The following UBE3D variants were observed in gnomAD, a reference collection of about 807,000 sequenced individuals.
UBE3D encodes E3 ubiquitin-protein ligase E3D.
Under a neutral mutation model 49.6 loss-of-function variants are expected in UBE3D, and 48 were observed. The ratio of observed to expected loss-of-function variants is 0.97; its 90% CI spans 0.77 to 1.23. UBE3D has a LOEUF of 1.23. Ranked by LOEUF, UBE3D falls within the 50% of genes most tolerant of loss-of-function variation. The pLI, the probability that UBE3D is intolerant of heterozygous loss-of-function variation, is 0.00. For missense variants in UBE3D, 452 were observed against 468.4 expected, an observed-to-expected ratio of 0.96 and a Z score of 0.32; for synonymous variants, 189 against 174.2, an observed-to-expected ratio of 1.08 and a Z score of -0.67.
At chr6:83,027,843 T>C (rs1315255452) in intron 5 of UBE3D, among the ~76,000 whole-genome samples, 1 of 152,200 alleles carries the variant, frequency 6.6e-6, no homozygotes, top group Non-Finnish European at 1.5e-5. Context: ...TCAACAATTA[T>C]CTCTTCAAAT....
At chr6:83,032,267 G>C (rs1367347003) in intron 5 of UBE3D, 1 of 455,494 alleles carries the variant, frequency 2.2e-6, no homozygotes, top group Non-Finnish European at 4.4e-6. Flanking sequence ...GAACAGAGCT[G>C]TTCAAGGCCA....
At chr6:83,043,451 TTAGA>T (rs1334837343) in intron 4 of UBE3D, among the ~76,000 whole-genome samples, 1 of 152,160 alleles carries the variant, frequency 6.6e-6, no homozygotes, top group Non-Finnish European at 1.5e-5. Flanking sequence ...TGAACCATAT[TTAGA>T]TAAAGGGATT....
intron 9 of UBE3D, among the ~76,000 whole-genome samples, chr6:82,916,740 T>A (rs1345013780): frequency 1.3e-5 from 2 of 152,190 alleles, no homozygotes; most frequent in Non-Finnish European, 2.9e-5. Flanking sequence ...ACAAATGGGA[T>A]CTATCTCTAG....
At chr6:82,931,955 T>G (rs754451797) in intron 9 of UBE3D, among the ~76,000 whole-genome samples, 2 of 152,122 alleles carry the variant, frequency 1.3e-5, no homozygotes, top group Non-Finnish European at 2.9e-5. Context: ...GTGAGGTAAT[T>G]GAATCATGGG....
In UBE3D at chr6:82,997,882, C is replaced by T. The variant is rs1384236913; in HGVS notation, c.1010+21091G>A. ...GAGTGAAATTAGAAATGGTAGTCCA[C>T]GGATTTGAACTTGACCCTGTGATTT... On this transcript the variant is annotated intron_variant, in intron 8 of 9. Transcript: ENST00000369747. Among the ~76,000 whole-genome samples the T allele has an allele frequency of 8.5e-5, 13 of 152,214 alleles. No homozygotes were observed. In the South Asian group the frequency reaches 2.3e-3, roughly 27 times the overall value.
At position 82,948,923 on chromosome 6, in the gene UBE3D, T is replaced by C. The variant is rs548982710; in HGVS notation, c.1149+8389A>G. Among the ~76,000 whole-genome samples the C allele has an allele frequency of 7.2e-5, 11 of 152,148 alleles. No individual in the cohort carries two copies. The South Asian group carries it at 2.1e-3, about 29-fold the overall frequency. On this transcript the variant is annotated intron_variant, in intron 9 of 9. Transcript: ENST00000369747. ...GACCCATAGCTAGTATCATACTGAA[T>C]GGGGAAAAACTAAAAGTCTTTCCTC... is the stretch of plus-strand genomic sequence containing the variant.
chr6:82,915,993 T>C (rs1247889424), intron 9 of UBE3D, among the ~76,000 whole-genome samples: 1 of 152,178 alleles, frequency 6.6e-6, no homozygotes, highest in Admixed American at 6.5e-5. Flanking sequence ...CTAATAGTCA[T>C]TGAAGTAGAT....
At chr6:82,885,875 T>C in the UBE3D span, among the ~76,000 whole-genome samples, 1 of 152,198 alleles carries the variant, frequency 6.6e-6, no homozygotes, top group East Asian at 1.9e-4. Flanking sequence ...TGTCTTATTC[T>C]TCCCATCTTT....
At chr6:83,053,242 A>G (rs1783588822) in intron 3 of UBE3D, among the ~76,000 whole-genome samples, 1 of 84,430 alleles carries the variant, frequency 1.2e-5, no homozygotes. Context: ...TTCTGGCAAC[A>G]CCAGGTTTCT....
At chr6:82,996,231 CAA>C (rs1188497177) in intron 8 of UBE3D, among the ~76,000 whole-genome samples, 1 of 151,708 alleles carries the variant, frequency 6.6e-6, no homozygotes, top group Non-Finnish European at 1.5e-5. Flanking sequence ...GCTCAAAAAT[CAA>C]AAGTATGAGG....
intron 8 of UBE3D, among the ~76,000 whole-genome samples, chr6:82,994,396 G>A (rs796187699): frequency 3.3e-5 from 5 of 152,280 alleles, no homozygotes; most frequent in African/African-American, 9.6e-5. Context: ...AGCAGTAGCA[G>A]TATTCCATTC....
At chr6:82,882,745 G>A in the UBE3D span, among the ~76,000 whole-genome samples, 8 of 152,118 alleles carry the variant, frequency 5.3e-5, no homozygotes, top group Admixed American at 4.6e-4. Context: ...TCTTTCTTCT[G>A]TTTTAGAACA....
At chr6:82,922,319 T>A (rs1311326906) in intron 9 of UBE3D, among the ~76,000 whole-genome samples, 1 of 152,188 alleles carries the variant, frequency 6.6e-6, no homozygotes, top group South Asian at 2.1e-4. Context: ...AAATGAATTT[T>A]ATGAAACCGG....
intron 9 of UBE3D, chr6:82,938,569 T>G (rs1447936877): frequency 6.6e-6 from 1 of 152,174 alleles, no homozygotes; most frequent in Non-Finnish European, 1.5e-5. Context: ...ATACAGACTG[T>G]GTTAAGTGCA....
chr6:82,902,532 T>C (rs1318232273), intron 9 of UBE3D, among the ~76,000 whole-genome samples: 1 of 152,212 alleles, frequency 6.6e-6, no homozygotes, highest in African/African-American at 2.4e-5. Flanking sequence ...TTACATACTG[T>C]ATCATTCCAT....
At chr6:82,959,526 G>A (rs1253736353) in intron 8 of UBE3D, among the ~76,000 whole-genome samples, 19 of 151,612 alleles carry the variant, frequency 1.3e-4, no homozygotes, top group Non-Finnish European at 2.9e-5. Flanking sequence ...AGATGCTAAG[G>A]AGACTATTTG....
rs1783659730 is a variant in UBE3D, at chr6:83,054,162, G to T, written c.351C>A (p.Val117=). 1 of 1,613,654 alleles carries T rather than the reference G, an allele frequency of 6.2e-7. No individual in the cohort carries two copies. The highest frequency in any genetic ancestry group is 1.1e-5 in the South Asian group (1 of 91,038). The stretch of plus-strand genomic sequence containing the variant: ...ATATTCCTTACCTGTCTTTTATTAT[G>T]ACTTCACCGCAGGATTGGCAATAAA... ...CTFYCQSCGE[V]IIKDRKLLRV... The change falls in exon 3 of 10, where the codon GTC becomes GTA. Residue 117 remains valine (V), a synonymous_variant. Coordinates refer to ENST00000369747, the MANE Select transcript of UBE3D (RefSeq NM_198920.3).
chr6:82,905,701 G>A (rs573870254), intron 9 of UBE3D, among the ~76,000 whole-genome samples: 5 of 152,192 alleles, frequency 3.3e-5, no homozygotes, highest in East Asian at 1.9e-4. Context: ...AACAAGGCCC[G>A]CAAGACACAG....
At chr6:82,986,395 C>T (rs1022040276) in intron 8 of UBE3D, among the ~76,000 whole-genome samples, 2 of 127,088 alleles carry the variant, frequency 1.6e-5, no homozygotes, top group African/African-American at 6.1e-5. Flanking sequence ...CACTTGAAGT[C>T]AAGAAGTGGA....
Sources: gnomAD v4.1 joint callset for allele counts (sites outside exome capture counted in the v4.1 genomes callset) on GRCh38, gnomAD v4.1.1 for gene constraint, MANE v1.5 for transcripts, NCBI Gene and HGNC (gene_info 2026-07-23, HGNC 2026-07-21) for gene names.